The following PKNOX2 variants were observed in gnomAD, a reference collection of about 807,000 sequenced individuals.
The protein encoded by PKNOX2 is homeobox protein PKNOX2.
In PKNOX2, 14 loss-of-function variants were observed where a neutral mutation model predicts 53.1. That is an observed-to-expected ratio of 0.26 (90% CI 0.17 to 0.41). The LOEUF (loss-of-function observed/expected upper bound fraction) is 0.41. Among genes scored for constraint, PKNOX2 ranks in the 10% least tolerant of loss-of-function variants. The pLI, the probability that PKNOX2 is intolerant of heterozygous loss-of-function variation, is 1.00. For missense variants in PKNOX2, 496 were observed against 602.8 expected, an observed-to-expected ratio of 0.82 and a Z score of 1.85; for synonymous variants, 257 against 242.8, an observed-to-expected ratio of 1.06 and a Z score of -0.54.
Position 125,432,508 on chromosome 11 carries a change from A to G in PKNOX2, c.*1116A>G, listed in dbSNP as rs1177123578. ...AGGTGCTACATCCCTCTTCCCATCAATATCCTAAATGTGGGGGAGGGCCCA... is the reference window on the plus strand; with the variant it reads ...AGGTGCTACATCCCTCTTCCCATCAGTATCCTAAATGTGGGGGAGGGCCCA... On this transcript the variant is annotated 3_prime_UTR_variant, in exon 13 of 13. Transcript: ENST00000298282. 2 of 152,642 alleles carry G rather than the reference A, an allele frequency of 1.3e-5. No individual in the cohort carries two copies. Among genetic ancestry groups the G allele is most frequent in the East Asian group, 1.9e-4 (1 of 5,188 alleles). The allele number at this position is 152,642 out of a possible 1,614,324, so 9.5% of individuals were successfully genotyped here.
In PKNOX2 at chr11:125,351,310, T is replaced by C. The variant is rs1430348339; in HGVS notation, c.5T>C (p.Met2Thr). The change falls in exon 4 of 13, where the codon ATG becomes ACG. Residue 2 changes from methionine (M) to threonine (T), a missense_variant. Met to Thr is a moderately conservative substitution (Grantham distance 81, BLOSUM62 -1). This residue lies in a region of PKNOX2 where 168 missense variants were observed against 178.4 expected (regional missense o/e 0.94). Transcript: ENST00000298282. MMQHASPAPALT... is the reference protein window; with the variant it reads MTQHASPAPALT... ...TCCTCCATGTGAATCAATCCCATGA[T>C]GCAACATGCCTCCCCAGCCCCCGCT... 6.3e-7 allele frequency: 1 copy of C among 1,599,850 alleles called. No homozygotes were observed. Among genetic ancestry groups the C allele is most frequent in the Non-Finnish European group, 8.6e-7 (1 of 1,169,356 alleles).
At chr11:125,286,586 G>C (rs1358988310) in intron 2 of PKNOX2, among the ~76,000 whole-genome samples, 1 of 152,206 alleles carries the variant, frequency 6.6e-6, no homozygotes, top group Non-Finnish European at 1.5e-5. Context: ...CAGGGAGAAG[G>C]GGTGCTGAGC....
chr11:125,205,313 G>A (rs1018828385), intron 1 of PKNOX2, among the ~76,000 whole-genome samples: 2 of 151,988 alleles, frequency 1.3e-5, no homozygotes, highest in Non-Finnish European at 2.9e-5. Flanking sequence ...GGGGAGCGGG[G>A]GAGAGCTGGT....
intron 2 of PKNOX2, among the ~76,000 whole-genome samples, chr11:125,287,170 C>T (rs1465005568): frequency 6.6e-6 from 1 of 152,160 alleles, no homozygotes; most frequent in African/African-American, 2.4e-5. Context: ...GCAACTGAGG[C>T]ACAAAGAGGT....
At chr11:125,204,212 G>C (rs373243377) in intron 1 of PKNOX2, among the ~76,000 whole-genome samples, 2 of 152,186 alleles carry the variant, frequency 1.3e-5, no homozygotes, top group South Asian at 4.1e-4. Flanking sequence ...TTCATGGCTT[G>C]GTGGCAAGTT....
chr11:125,320,817 A>G (rs1299422544), intron 2 of PKNOX2, among the ~76,000 whole-genome samples: 1 of 152,156 alleles, frequency 6.6e-6, no homozygotes, highest in Non-Finnish European at 1.5e-5. Flanking sequence ...GGATATGTAA[A>G]CAGTTAACCC....
chr11:125,278,709 G>A (rs577628972), intron 2 of PKNOX2, among the ~76,000 whole-genome samples: 1 of 152,210 alleles, frequency 6.6e-6, no homozygotes, highest in East Asian at 1.9e-4. Context: ...GAGGTGTTTG[G>A]TTGTTGGCAT....
At chr11:125,314,108 G>T (rs192170501) in intron 2 of PKNOX2, among the ~76,000 whole-genome samples, 1 of 152,182 alleles carries the variant, frequency 6.6e-6, no homozygotes, top group Admixed American at 6.5e-5. Context: ...GCAGGGCTGC[G>T]GAGCCCTGTG....
intron 2 of PKNOX2, among the ~76,000 whole-genome samples, chr11:125,249,185 T>C (rs1407171380): frequency 6.6e-6 from 1 of 151,744 alleles, no homozygotes; most frequent in Non-Finnish European, 1.5e-5. Context: ...CTCCGGGTCT[T>C]AGGACATGGC....
intron 6 of PKNOX2, among the ~76,000 whole-genome samples, chr11:125,390,874 G>C (rs181288898): frequency 6.6e-6 from 1 of 152,148 alleles, no homozygotes; most frequent in African/African-American, 2.4e-5. Context: ...TTTTGTCCCC[G>C]AATCATCAGG....
At chr11:125,276,846 G>T (rs950788683) in intron 2 of PKNOX2, among the ~76,000 whole-genome samples, 1 of 152,170 alleles carries the variant, frequency 6.6e-6, no homozygotes, top group African/African-American at 2.4e-5. Flanking sequence ...CTCCAGTAAG[G>T]TTCAGCTGCT....
At chr11:125,169,246 C>T (rs529190094) in intron 1 of PKNOX2, among the ~76,000 whole-genome samples, 2 of 152,140 alleles carry the variant, frequency 1.3e-5, no homozygotes, top group Non-Finnish European at 2.9e-5. Flanking sequence ...CATGAACCAC[C>T]GTTAGCCTGA....
chr11:125,319,500 G>A (rs922973153), intron 2 of PKNOX2, among the ~76,000 whole-genome samples: 6 of 152,168 alleles, frequency 3.9e-5, no homozygotes, highest in East Asian at 1.9e-4. Flanking sequence ...AAAGTGAAGC[G>A]CAATAAAATG....
At chr11:125,386,249 T>A (rs1269988570) in intron 6 of PKNOX2, among the ~76,000 whole-genome samples, 1 of 152,252 alleles carries the variant, frequency 6.6e-6, no homozygotes, top group South Asian at 2.1e-4. Context: ...TTCCCAAACC[T>A]AATTTGTCAA....
intron 10 of PKNOX2, among the ~76,000 whole-genome samples, chr11:125,415,789 C>T (rs1955838676): frequency 6.6e-6 from 1 of 152,114 alleles, no homozygotes; most frequent in Non-Finnish European, 1.5e-5. Context: ...TTCTCACATC[C>T]AGTGCAGCTG....
intron 2 of PKNOX2, among the ~76,000 whole-genome samples, chr11:125,315,406 G>A (rs78482504): frequency 1.3e-5 from 2 of 151,154 alleles, no homozygotes; most frequent in Non-Finnish European, 2.9e-5. Context: ...CCTCCTGCCC[G>A]AGGCCCAGCC....
At chr11:125,212,417 G>T (rs1366469742) in intron 1 of PKNOX2, among the ~76,000 whole-genome samples, 1 of 150,990 alleles carries the variant, frequency 6.6e-6, no homozygotes, top group African/African-American at 2.4e-5. Context: ...GCCCCGACAG[G>T]TCAACACTGG....
At chr11:125,177,461 G>T (rs943942846) in intron 1 of PKNOX2, among the ~76,000 whole-genome samples, 3 of 152,176 alleles carry the variant, frequency 2.0e-5, no homozygotes, top group South Asian at 2.1e-4. Flanking sequence ...GGCAGGCAGG[G>T]GTTAAAGCCC....
intron 5 of PKNOX2, among the ~76,000 whole-genome samples, chr11:125,375,817 T>C (rs1211927788): frequency 2.0e-5 from 3 of 152,184 alleles, no homozygotes; most frequent in Non-Finnish European, 4.4e-5. Context: ...GCTGCCTAAT[T>C]TCAGGAAGGA....
Sources: gnomAD v4.1 joint callset for allele counts (sites outside exome capture counted in the v4.1 genomes callset) on GRCh38, gnomAD v4.1.1 for gene constraint, gnomAD v4.1.1 regional missense constraint, MANE v1.5 for transcripts, NCBI Gene and HGNC (gene_info 2026-07-23, HGNC 2026-07-21) for gene names.